The following FXYD6 variants were observed in gnomAD, a reference collection of about 807,000 sequenced individuals.
FXYD6 encodes the protein FXYD domain containing ion transport regulator 6.
In FXYD6, 7 loss-of-function variants were observed where a neutral mutation model predicts 16.7. The observed-to-expected ratio is 0.42, with a 90% CI of 0.24 to 0.79. The LOEUF (loss-of-function observed/expected upper bound fraction) is 0.79, where lower values mean the gene tolerates loss of function less well. Ranked by LOEUF, FXYD6 falls within the 30% of genes least tolerant of loss-of-function variation. The probability of loss-of-function intolerance (pLI) is 0.28; values close to 1 mark genes in which losing one functional copy is unlikely to be tolerated. For synonymous variants in FXYD6, 49 were observed against 43.0 expected, an observed-to-expected ratio of 1.14 and a Z score of -0.54; for missense variants, 111 against 116.2, an observed-to-expected ratio of 0.95 and a Z score of 0.21.
intron 5 of FXYD6, among the ~76,000 whole-genome samples, chr11:117,840,742 A>G (rs1187461772): frequency 1.3e-5 from 2 of 152,074 alleles, no homozygotes; most frequent in South Asian, 2.1e-4. Flanking sequence ...CCAAGTGTCT[A>G]TTCAGCTCAA....
chr11:117,866,473 T>C (rs1466834462), intron 1 of FXYD6, among the ~76,000 whole-genome samples: 2 of 152,272 alleles, frequency 1.3e-5, no homozygotes, highest in East Asian at 3.9e-4. Flanking sequence ...GCATGCATTA[T>C]CCCCTTTTTC....
intron 2 of FXYD6, chr11:117,842,330 T>C: frequency 5.3e-6 from 3 of 569,454 alleles, no homozygotes; most frequent in South Asian, 4.2e-5. Flanking sequence ...AGTTTTCCTC[T>C]TGTGACACAC....
In FXYD6 at chr11:117,850,798, A is replaced by AT. The variant is rs796279043; in HGVS notation, c.-5-8018dup. Among the ~76,000 whole-genome samples, 604 of 144,972 alleles carry AT rather than the reference A, an allele frequency of 4.2e-3. 4 individuals are homozygous for AT. The highest frequency in any genetic ancestry group is 7.0e-3 in the South Asian group (32 of 4,600). On this transcript the variant is annotated intron_variant, in intron 1 of 7. Transcript: ENST00000526014. Reference sequence around the variant, plus strand: ...ATGAGCCACTGCCCCTAGCTTAGTGATTTTTTTTTTTCTTATTCCTTTTCT... The same window carrying AT: ...ATGAGCCACTGCCCCTAGCTTAGTGATTTTTTTTTTTTCTTATTCCTTTTCT...
At chr11:117,850,694 T>C (rs1247198618) in intron 1 of FXYD6, among the ~76,000 whole-genome samples, 1 of 152,172 alleles carries the variant, frequency 6.6e-6, no homozygotes, top group Admixed American at 6.5e-5. Flanking sequence ...GGTCTCACTA[T>C]GTTACGTAGG....
chr11:117,841,131 T>C lies in FXYD6; in HGVS notation c.209+17A>G. ...CCTAGTATCACCCCCCCAAGGCCAC[T>C]GCCACGGCATCCTTACCGGGGCTTC... On this transcript the variant is annotated intron_variant, in intron 5 of 7. Coordinates refer to ENST00000526014, the MANE Select transcript of FXYD6 (RefSeq NM_022003.4). 6.2e-7 allele frequency: 1 copy of C among 1,613,996 alleles called. No individual in the cohort carries two copies.
intron 1 of FXYD6, among the ~76,000 whole-genome samples, chr11:117,860,216 G>A (rs1591580860): frequency 6.6e-6 from 1 of 152,024 alleles, no homozygotes; most frequent in Non-Finnish European, 1.5e-5. Flanking sequence ...CAGCCCTTGG[G>A]CCCCACCTCA....
intron 7 of FXYD6, chr11:117,838,554 C>A: frequency 2.3e-6 from 1 of 439,788 alleles, no homozygotes; most frequent in Non-Finnish European, 4.1e-6. Context: ...TAAAAGGTTT[C>A]TGAGAAAGAA....
chr11:117,876,562 C>T (rs12790073), intron 1 of FXYD6, 30 bp downstream of exon 1: 9,331 of 152,650 alleles, frequency 0.061, 311 homozygotes, highest in African/African-American at 0.071. Flanking sequence ...GAAAAAGGAG[C>T]CAACTTTGCC....
At chr11:117,842,669 C>T (rs1391982517) in intron 2 of FXYD6, 50 bp downstream of exon 2, 2 of 1,541,510 alleles carry the variant, frequency 1.3e-6, no homozygotes, top group East Asian at 4.9e-5. Context: ...GCAGAGAGGG[C>T]TGGACAGGGT....
chr11:117,861,832 G>A (rs2056913190), intron 1 of FXYD6, among the ~76,000 whole-genome samples: 2 of 152,256 alleles, frequency 1.3e-5, no homozygotes, highest in African/African-American at 2.4e-5. Flanking sequence ...CACAGGATGT[G>A]GAGGGGCCTC....
intron 1 of FXYD6, among the ~76,000 whole-genome samples, chr11:117,867,986 G>A (rs2057046204): frequency 6.6e-6 from 1 of 152,210 alleles, no homozygotes; most frequent in African/African-American, 2.4e-5. Context: ...ATTCTGATGT[G>A]CAGCCAAGGT....
intron 1 of FXYD6, among the ~76,000 whole-genome samples, chr11:117,855,410 G>A (rs1034484227): frequency 3.7e-4 from 56 of 152,148 alleles, no homozygotes; most frequent in Non-Finnish European, 6.8e-4. Context: ...CACTGCCCCT[G>A]AGTCGAGTGG....
At chr11:117,858,221 G>A (rs1406746820) in intron 1 of FXYD6, 7 of 152,414 alleles carry the variant, frequency 4.6e-5, no homozygotes, top group African/African-American at 1.7e-4. Context: ...ACACAGCTGC[G>A]TTTTTCTTCT....
rs2056223872 is a variant in FXYD6 at position 117,837,377 on chromosome 11, T to C, written c.*922A>G. ...CAACTATTGCCTGCCAGAGACCCAA[T>C]TGCAGGGACTGTAGTCTGCATCTGG... On this transcript the variant is annotated 3_prime_UTR_variant, in exon 8 of 8. Transcript: ENST00000526014. The surrounding 1 kb of genome is among the most constrained non-coding windows in gnomAD (Gnocchi z 4.4). 1 of 152,616 alleles carries C rather than the reference T, an allele frequency of 6.6e-6. No individual in the cohort carries two copies. The highest frequency in any genetic ancestry group is 1.5e-5 in the Non-Finnish European group (1 of 68,114). The allele number at this position is 152,616 out of a possible 1,614,324, so 9.5% of individuals were successfully genotyped here.
chr11:117,848,601 C>T (rs623796), intron 1 of FXYD6, among the ~76,000 whole-genome samples: 59,440 of 151,856 alleles, frequency 0.39, 12,208 homozygotes, highest in Non-Finnish European at 0.47. Context: ...GCAGAAGATT[C>T]GAATTATCTG....
In FXYD6 at chr11:117,845,784, A is replaced by ACC. The variant is rs566876584; in HGVS notation, c.-5-3005_-5-3004dup. Reference sequence around the variant, plus strand: ...CATAAGAAATACATTTTACATTGCAACCCAGCATAACACAGATTCATGTAA... The same window carrying ACC: ...CATAAGAAATACATTTTACATTGCAACCCCCAGCATAACACAGATTCATGTAA... On this transcript the variant is annotated intron_variant, in intron 1 of 7. Transcript: ENST00000526014. Among the ~76,000 whole-genome samples the ACC allele has an allele frequency of 1.1e-4, 17 of 152,374 alleles. No individual in the cohort carries two copies. The South Asian group carries it at 2.3e-3, about 20-fold the overall frequency.
At chr11:117,859,476 A>T (rs772659486) in intron 1 of FXYD6, among the ~76,000 whole-genome samples, 22 of 152,254 alleles carry the variant, frequency 1.4e-4, no homozygotes, top group Admixed American at 3.3e-4. Flanking sequence ...CTTGAGGCCC[A>T]GTCTGGGGGT....
At chr11:117,858,661 TTC>T (rs1240591471) in intron 1 of FXYD6, among the ~76,000 whole-genome samples, 6 of 81,798 alleles carry the variant, frequency 7.3e-5, no homozygotes, top group African/African-American at 2.8e-4. Flanking sequence ...CTTTCTTTCT[TTC>T]TTTCTTTCTT....
rs186717302 is a variant in FXYD6, at chr11:117,847,934, T to C, written c.-5-5153A>G. Reference sequence around the variant, plus strand: ...TTCTAGTTCTAGATTCCTGAGGAATTGCCACACTGACTTCCACAAAGGTTG... The same window carrying C: ...TTCTAGTTCTAGATTCCTGAGGAATCGCCACACTGACTTCCACAAAGGTTG... On this transcript the variant is annotated intron_variant, in intron 1 of 7. Transcript: ENST00000526014. 8.5e-4 allele frequency among the ~76,000 whole-genome samples: 130 copies of C among 152,294 alleles called. 2 individuals carry two copies. In the East Asian group the frequency reaches 0.023, roughly 27 times the overall value.
Sources: gnomAD v4.1 joint callset for allele counts (sites outside exome capture counted in the v4.1 genomes callset) on GRCh38, gnomAD v4.1.1 for gene constraint, Gnocchi (gnomAD v3.1) non-coding constraint, MANE v1.5 for transcripts, NCBI Gene and HGNC (gene_info 2026-07-23, HGNC 2026-07-21) for gene names.